STPG2: variants seen among roughly 807,000 people sequenced by gnomAD.
The protein encoded by STPG2 is sperm-tail PG-rich repeat-containing protein 2.
A neutral mutation model predicts 54.2 loss-of-function variants in STPG2; 56 were observed. The observed-to-expected ratio is 1.03, with a 90% confidence interval of 0.83 to 1.29. The LOEUF (loss-of-function observed/expected upper bound fraction) is 1.29. Ranked by LOEUF, STPG2 falls within the 50% of genes most tolerant of loss-of-function variation. The pLI is 0.00. For synonymous variants in STPG2, 200 were observed against 181.8 expected (o/e 1.10, Z -0.81); for missense variants, 596 against 544.9 (o/e 1.09, Z -0.93).
chr4:97,501,335 T>G (rs1490282335), intron 4 of STPG2, among the ~76,000 whole-genome samples: 1 of 151,302 alleles, frequency 6.6e-6, no homozygotes. Flanking sequence ...ATAGCATACA[T>G]GAACTATGTA....
chr4:97,619,725 C>T (rs1733962471), intron 10 of STPG2, among the ~76,000 whole-genome samples: 1 of 151,980 alleles, frequency 6.6e-6, no homozygotes, highest in Admixed American at 6.6e-5. Flanking sequence ...CTTCGAATAC[C>T]CCTTGAAGTT....
At chr4:97,932,522 T>A (rs569088241) in intron 8 of STPG2, among the ~76,000 whole-genome samples, 3 of 152,058 alleles carry the variant, frequency 2.0e-5, no homozygotes, top group Non-Finnish European at 4.4e-5. Context: ...TCCTTCCCCC[T>A]GGGCCCCAAA....
chr4:98,027,080 C>T (rs931751248), intron 5 of STPG2, among the ~76,000 whole-genome samples: 8 of 152,136 alleles, frequency 5.3e-5, no homozygotes, highest in Admixed American at 1.3e-4. Context: ...AAGATGCAGA[C>T]GGCTCTTCCT....
At chr4:97,944,762 T>G (rs1733137271) in intron 7 of STPG2, among the ~76,000 whole-genome samples, 1 of 152,168 alleles carries the variant, frequency 6.6e-6, no homozygotes, top group African/African-American at 2.4e-5. Flanking sequence ...TCTTGGCCCA[T>G]TTTTTGGTAA....
At chr4:97,634,429 G>A (rs541110318) in intron 10 of STPG2, among the ~76,000 whole-genome samples, 24 of 152,298 alleles carry the variant, frequency 1.6e-4, no homozygotes, top group African/African-American at 5.8e-4. Context: ...AAAAATCAGA[G>A]CTCCTCTCCT....
At chr4:97,522,819 A>G (rs1009694398) in intron 4 of STPG2, among the ~76,000 whole-genome samples, 8 of 152,026 alleles carry the variant, frequency 5.3e-5, no homozygotes, top group African/African-American at 1.9e-4. Context: ...AGGGGTTTTA[A>G]ACTTAAGCAC....
intron 8 of STPG2, among the ~76,000 whole-genome samples, chr4:97,879,176 C>A (rs938571646): frequency 6.6e-6 from 1 of 152,186 alleles, no homozygotes; most frequent in African/African-American, 2.4e-5. Flanking sequence ...TTCAACAAGT[C>A]TCTAGGAAGT....
intron 4 of STPG2, among the ~76,000 whole-genome samples, chr4:97,458,344 T>C (rs1231375794): frequency 2.6e-5 from 4 of 152,172 alleles, no homozygotes; most frequent in Admixed American, 1.3e-4. Context: ...GTCATTTCGT[T>C]GAAATTATGA....
chr4:97,678,663 T>C (rs1191001489), intron 10 of STPG2, among the ~76,000 whole-genome samples: 1 of 152,018 alleles, frequency 6.6e-6, no homozygotes, highest in African/African-American at 2.4e-5. Context: ...TTAGGGTACA[T>C]GTGCACAATG....
At chr4:97,979,120 C>A (rs1344397425) in intron 6 of STPG2, among the ~76,000 whole-genome samples, 2 of 151,952 alleles carry the variant, frequency 1.3e-5, no homozygotes, top group Non-Finnish European at 2.9e-5. Flanking sequence ...TAAATTAAAA[C>A]AATAAGAAAC....
intron 9 of STPG2, among the ~76,000 whole-genome samples, chr4:97,800,343 C>T (rs548520220): frequency 2.6e-5 from 4 of 152,164 alleles, no homozygotes; most frequent in Non-Finnish European, 4.4e-5. Flanking sequence ...ATGATGGTGA[C>T]GTACAAATGG....
intron 9 of STPG2, among the ~76,000 whole-genome samples, chr4:97,829,873 GT>G (rs1196329486): frequency 6.6e-6 from 1 of 152,156 alleles, no homozygotes; most frequent in Non-Finnish European, 1.5e-5. Flanking sequence ...ATGGAACTGT[GT>G]AAAAAGAACA....
chr4:98,017,876 TTC>T (rs137889199), intron 5 of STPG2, among the ~76,000 whole-genome samples: 101 of 151,494 alleles, frequency 6.7e-4, no homozygotes, highest in African/African-American at 2.3e-3. Flanking sequence ...CATTCATTCA[TTC>T]TCTCTCTCTC....
chr4:97,493,334 T>C (rs546129884), intron 4 of STPG2, among the ~76,000 whole-genome samples: 1 of 151,460 alleles, frequency 6.6e-6, no homozygotes, highest in African/African-American at 2.4e-5. Flanking sequence ...TCTGATGTAG[T>C]TTGTAGTGCA....
rs1226787029 is a variant in STPG2, at chr4:97,923,289, C to T, written c.1044+20608G>A. Among the ~76,000 whole-genome samples, 10 of 146,198 alleles carry T rather than the reference C, an allele frequency of 6.8e-5. No homozygotes were observed. In the South Asian group the frequency reaches 1.4e-3, roughly 20 times the overall value. On this transcript the variant is annotated intron_variant, in intron 8 of 10. Transcript: ENST00000295268. ...AGGTGGGAACAGGGGCTGTGCGCAGCGCTTCCCCTCCCACCCCCCCCGCCA... is the reference window on the plus strand; with the variant it reads ...AGGTGGGAACAGGGGCTGTGCGCAGTGCTTCCCCTCCCACCCCCCCCGCCA...
At chr4:97,779,669 G>T (rs1214766705) in intron 9 of STPG2, among the ~76,000 whole-genome samples, 1 of 152,074 alleles carries the variant, frequency 6.6e-6, no homozygotes, top group Admixed American at 6.6e-5. Context: ...AAATATTAAG[G>T]GCAGCCAGAG....
At chr4:97,868,874 C>T (rs919463177) in intron 8 of STPG2, among the ~76,000 whole-genome samples, 3 of 151,848 alleles carry the variant, frequency 2.0e-5, no homozygotes, top group Non-Finnish European at 4.4e-5. Context: ...TTTAAAAGGT[C>T]ATCCTTACAT....
intron 9 of STPG2, among the ~76,000 whole-genome samples, chr4:97,835,804 T>C (rs551933027): frequency 2.6e-5 from 4 of 152,028 alleles, no homozygotes; most frequent in Non-Finnish European, 5.9e-5. Flanking sequence ...AAACAGAAGT[T>C]TGAAAAAGGT....
intron 7 of STPG2, among the ~76,000 whole-genome samples, chr4:97,952,086 T>C (rs1005452856): frequency 1.3e-5 from 2 of 152,128 alleles, no homozygotes; most frequent in African/African-American, 4.8e-5. Flanking sequence ...GCACCTATTT[T>C]CATCTTCAGG....
Sources: gnomAD v4.1 joint callset for allele counts (sites outside exome capture counted in the v4.1 genomes callset) on GRCh38, gnomAD v4.1.1 for gene constraint, MANE v1.5 for transcripts, NCBI Gene and HGNC (gene_info 2026-07-23, HGNC 2026-07-21) for gene names.